The following MYO15B variants were observed in gnomAD, a reference collection of about 807,000 sequenced individuals.
The protein encoded by MYO15B is myosin XVB pseudogene.
Under a neutral mutation model 119.3 loss-of-function variants are expected in MYO15B, and 207 were observed. The observed-to-expected ratio is 1.73, with a 90% CI of 1.55 to 1.95. MYO15B has a LOEUF of 1.95. Ranked by LOEUF, MYO15B falls within the 30% of genes most tolerant of loss-of-function variation. MYO15B has a pLI of 0.00. For synonymous variants in MYO15B, 966 were observed against 498.9 expected (o/e 1.94, Z -12.48); for missense variants, 2,264 against 1,203.1 (o/e 1.88, Z -13.04).
chr17:75,625,258 G>T lies in MYO15B; in HGVS notation c.8804+20G>T, dbSNP rs1382049589. ...CTCAGGGTGAGTGGAGGCACCTCCC[G>T]CCCCTAAGCCCCTCCCCTTCTCTAA... On this transcript the variant is annotated intron_variant, in intron 60 of 63. Coordinates refer to ENST00000645453, the Ensembl canonical transcript of MYO15B. 2.9e-6 allele frequency: 2 copies of T among 678,080 alleles called. No individual in the cohort carries two copies. Among genetic ancestry groups the T allele is most frequent in the Admixed American group, 2.1e-5 (1 of 47,788 alleles). 42.0% of individuals were successfully genotyped at this position (678,080 alleles called of 1,614,324 possible). A position where few individuals can be genotyped will look rare whatever the true frequency, so the allele number is the denominator to read the frequency against.
At chr17:75,601,615 T>A in intron 15 of MYO15B, 52 bp downstream of exon 15, 1 of 684,676 alleles carries the variant, frequency 1.5e-6, no homozygotes, top group Non-Finnish European at 2.7e-6. Flanking sequence ...CAGTGTCCCC[T>A]CCCAAGCTGA....
At chr17:75,616,378 C>CGCAGGAGGA (rs1431310894) in exon 38 of MYO15B, 1 of 617,006 alleles carries the variant, frequency 1.6e-6, no homozygotes, top group Non-Finnish European at 2.9e-6. Context: ...CAGGGGGAAG[C>CGCAGGAGGA]GCAGGAGGAG....
chr17:75,603,501 C>G (rs71382175), intron 19 of MYO15B, among the ~76,000 whole-genome samples, 189 bp downstream of exon 19: 1 of 152,232 alleles, frequency 6.6e-6, no homozygotes, highest in South Asian at 2.1e-4. Context: ...TCACTCTCTT[C>G]TACCATTCAC....
At chr17:75,608,639 A>G (rs995818001) in intron 21 of MYO15B, among the ~76,000 whole-genome samples, 5 of 151,568 alleles carry the variant, frequency 3.3e-5, no homozygotes, top group African/African-American at 1.2e-4. Context: ...GCTCACTGCA[A>G]CCTCCAGCTA....
In MYO15B at chr17:75,601,995, G is replaced by C. The variant is rs538102085; in HGVS notation, c.3651+432G>C. Among the ~76,000 whole-genome samples, 7 of 152,236 alleles carry C rather than the reference G, an allele frequency of 4.6e-5. No individual in the cohort carries two copies. In the South Asian group the frequency reaches 1.5e-3, roughly 32 times the overall value. On this transcript the variant is annotated intron_variant, in intron 15 of 63. Coordinates refer to ENST00000645453, the Ensembl canonical transcript of MYO15B. ...AATGGACTTCCCTTCCCCCTTCCGA[G>C]TTCTATGCCTACCAAGAAGCTGCAC...
At chr17:75,611,460 C>A (rs1163385109) in intron 23 of MYO15B, 141 bp from the exon 24 acceptor site, 5 of 606,740 alleles carry the variant, frequency 8.2e-6, no homozygotes, top group African/African-American at 4.2e-5. Context: ...CAGAGTGAGA[C>A]CCTGCCTCAA....
At chr17:75,610,135 C>G (rs1033028036) in intron 21 of MYO15B, 31 bp from the exon 22 acceptor site, 2 of 684,978 alleles carry the variant, frequency 2.9e-6, no homozygotes, top group African/African-American at 3.6e-5. Flanking sequence ...TTGGACTCTT[C>G]ATTTCGCCCC....
rs868515545 is a variant in MYO15B at position 75,617,589 on chromosome 17, G to A, written c.6815-221G>A. ...TGTGAGGAAGTTAGTGGCCCTGGCT[G>A]ACATGGTCATAGAAGACCCACGAGC... is the stretch of plus-strand genomic sequence containing the variant. On this transcript the variant is annotated intron_variant, in intron 41 of 63. Transcript: ENST00000645453. 21 of 374,760 alleles carry A rather than the reference G, an allele frequency of 5.6e-5. No homozygotes were observed. In the African/African-American group the frequency reaches 6.2e-4, roughly 11 times the overall value. 23.2% of individuals were successfully genotyped at this position (374,760 alleles called of 1,614,324 possible). A position where few individuals can be genotyped will look rare whatever the true frequency, so the allele number is the denominator to read the frequency against.
chr17:75,594,193 A>G (rs1323586998), intron 9 of MYO15B, among the ~76,000 whole-genome samples: 2 of 151,006 alleles, frequency 1.3e-5, no homozygotes, highest in Non-Finnish European at 2.9e-5. Flanking sequence ...TTTGCAAGAC[A>G]ACCCCCTAGG....
At chr17:75,606,405 C>G (rs145359894) in intron 21 of MYO15B, among the ~76,000 whole-genome samples, 2,170 of 152,022 alleles carry the variant, frequency 0.014, 18 homozygotes, top group Non-Finnish European at 0.023. Context: ...ACCTCTGCCC[C>G]CTGGGTTCAA....
At position 75,624,541 on chromosome 17, in the gene MYO15B, AG is replaced by A. The variant is rs745710361; in HGVS notation, c.8446del. Reference sequence around the variant, plus strand: ...CTCATCACAGTCTGTCCACATGCCCAGGTAGCAGCAGAAGTGCAGGAGGAGC... The same window carrying A: ...CTCATCACAGTCTGTCCACATGCCCAGTAGCAGCAGAAGTGCAGGAGGAGC... On this transcript the variant is annotated splice_acceptor_variant, in intron 57 of 63. Coordinates refer to ENST00000645453, the Ensembl canonical transcript of MYO15B. LOFTEE classifies it high-confidence loss of function. 1.1e-5 allele frequency: 8 copies of A among 703,076 alleles called. No homozygotes were observed. In the South Asian group the frequency reaches 1.2e-4, roughly 10 times the overall value. The allele number at this position is 703,076 out of a possible 1,614,324, so 43.6% of individuals were successfully genotyped here.
chr17:75,616,380 C>CAGGAGGAGGAGGAGGAGGAGG, exon 38 of MYO15B: 2 of 609,886 alleles, frequency 3.3e-6, no homozygotes, highest in Non-Finnish European at 5.8e-6. Context: ...GGGGGAAGCG[C>CAGGAGGAGGAGGAGGAGGAGG]AGGAGGAGGA....
exon 35 of MYO15B, chr17:75,615,560 T>A (rs1054878132): frequency 1.4e-6 from 1 of 701,574 alleles, no homozygotes; most frequent in Non-Finnish European, 2.6e-6. Context: ...CAGCTGGCCG[T>A]CCAGCAGCAG....
At chr17:75,613,261 T>C (rs1185474995) in intron 27 of MYO15B, 32 bp from the exon 28 acceptor site, 1 of 671,150 alleles carries the variant, frequency 1.5e-6, no homozygotes, top group Non-Finnish European at 2.7e-6. Context: ...TGGATCACCC[T>C]GCCTCCACTG....
chr17:75,598,321 G>A (rs1489348838), intron 14 of MYO15B, among the ~76,000 whole-genome samples: 1 of 151,600 alleles, frequency 6.6e-6, no homozygotes, highest in African/African-American at 2.4e-5. Context: ...GCTCACGCCT[G>A]TAATCCCAGC....
exon 19 of MYO15B, chr17:75,603,236 G>A: frequency 1.4e-6 from 1 of 703,074 alleles, no homozygotes; most frequent in African/African-American, 1.7e-5. Context: ...ACTGCACCAG[G>A]CAGCCATACT....
chr17:75,603,003 G>C (rs1167819238), intron 17 of MYO15B, 29 bp from the exon 18 acceptor site: 1 of 702,952 alleles, frequency 1.4e-6, no homozygotes, highest in South Asian at 1.5e-5. Context: ...TCCAGTCTGT[G>C]CCCGAGTGAC....
At chr17:75,601,256 C>A (rs1289501335) in intron 14 of MYO15B, among the ~76,000 whole-genome samples, 182 bp from the exon 15 acceptor site, 1 of 152,158 alleles carries the variant, frequency 6.6e-6, no homozygotes, top group Non-Finnish European at 1.5e-5. Context: ...CCAGGCTGAT[C>A]TCGAACTCCT....
At chr17:75,626,325 A>C in intron 63 of MYO15B, 82 bp from the exon 64 acceptor site, 1 of 699,248 alleles carries the variant, frequency 1.4e-6, no homozygotes, top group Non-Finnish European at 2.6e-6. Flanking sequence ...GCCGATGCCC[A>C]CTGCTCCGGA....
Sources: allele counts gnomAD v4.1 joint callset (sites outside exome capture counted in the v4.1 genomes callset), GRCh38; gene constraint gnomAD v4.1.1; transcripts MANE v1.5; gene names NCBI Gene and HGNC (gene_info 2026-07-23, HGNC 2026-07-21).